The following EPHA6 variants were observed in gnomAD, a reference collection of about 807,000 sequenced individuals.
EPHA6 encodes EPH receptor A6, also known as ephrin type-A receptor 6.
EPHA6 carries 50 observed loss-of-function variants against 112.0 expected under a neutral mutation model. The ratio of observed to expected loss-of-function variants is 0.45; its 90% confidence interval spans 0.36 to 0.56. The LOEUF (loss-of-function observed/expected upper bound fraction) is 0.56. EPHA6 is among the 20% of genes least tolerant of loss of function. The pLI is 0.00. For synonymous variants in EPHA6, 529 were observed against 490.7 expected (o/e 1.08, Z -1.03); for missense variants, 1,280 against 1,417.4 (o/e 0.90, Z 1.56).
At chr3:97,287,377 A>C (rs927757026) in intron 5 of EPHA6, among the ~76,000 whole-genome samples, 1 of 152,020 alleles carries the variant, frequency 6.6e-6, no homozygotes, top group Non-Finnish European at 1.5e-5. Flanking sequence ...ACTCTTAACA[A>C]TGGCGTGAAC....
intron 3 of EPHA6, among the ~76,000 whole-genome samples, chr3:97,185,010 A>G (rs1432631287): frequency 2.0e-5 from 3 of 152,238 alleles, no homozygotes; most frequent in African/African-American, 4.8e-5. Flanking sequence ...CTGGCTAGCC[A>G]TAGGTAGAAA....
chr3:97,747,296 C>T (rs1490425727), intron 16 of EPHA6, 127 bp from the exon 17 acceptor site: 2 of 783,864 alleles, frequency 2.6e-6, no homozygotes, highest in Non-Finnish European at 1.8e-6. Context: ...AAATCAGAGG[C>T]TTTCAAATGG....
At chr3:97,328,807 T>C (rs1265410147) in intron 5 of EPHA6, among the ~76,000 whole-genome samples, 1 of 152,012 alleles carries the variant, frequency 6.6e-6, no homozygotes, top group Non-Finnish European at 1.5e-5. Flanking sequence ...ACTGTGCTAT[T>C]TTTCTTTTTA....
chr3:97,192,809 G>A (rs1214101090), intron 3 of EPHA6, among the ~76,000 whole-genome samples: 10 of 152,140 alleles, frequency 6.6e-5, no homozygotes, highest in Non-Finnish European at 1.5e-4. Context: ...TATATGGCAA[G>A]AGATAGGGAT....
chr3:97,074,641 G>T (rs1444470377), intron 3 of EPHA6, among the ~76,000 whole-genome samples: 1 of 151,704 alleles, frequency 6.6e-6, no homozygotes, highest in Non-Finnish European at 1.5e-5. Context: ...ATAAAATTTT[G>T]ATTTTAATTT....
chr3:97,305,370 T>G (rs1450370089), intron 5 of EPHA6, among the ~76,000 whole-genome samples: 1 of 152,032 alleles, frequency 6.6e-6, no homozygotes, highest in Non-Finnish European at 1.5e-5. Flanking sequence ...TTACTGGATA[T>G]ATATCCAAAG....
At chr3:97,562,760 A>G (rs919889225) in intron 11 of EPHA6, among the ~76,000 whole-genome samples, 2 of 152,158 alleles carry the variant, frequency 1.3e-5, no homozygotes, top group African/African-American at 2.4e-5. Context: ...CATGAAAGGA[A>G]GAGTCAATCA....
In EPHA6 at chr3:97,143,778, A is replaced by G. The variant is rs540981450; in HGVS notation, c.1115-82486A>G. ...TAAGTTTTGTAGAACTGTCAACCCA[A>G]TAACAAACAGAGGGGGAGACTCCTT... On this transcript the variant is annotated intron_variant, in intron 3 of 17. Transcript: ENST00000389672. Among the ~76,000 whole-genome samples, 16 of 151,858 alleles carry G rather than the reference A, an allele frequency of 1.1e-4. No homozygotes were observed. In the East Asian group the frequency reaches 2.7e-3, roughly 26 times the overall value.
intron 3 of EPHA6, among the ~76,000 whole-genome samples, chr3:97,146,907 T>C (rs957877635): frequency 1.3e-5 from 2 of 150,770 alleles, no homozygotes; most frequent in South Asian, 2.1e-4. Context: ...TGTGGAGTGA[T>C]GTAAATTGCT....
At chr3:97,469,808 C>T (rs906207841) in intron 7 of EPHA6, among the ~76,000 whole-genome samples, 11 of 151,426 alleles carry the variant, frequency 7.3e-5, no homozygotes, top group South Asian at 4.2e-4. Context: ...ATCCATATAA[C>T]GTGGATGTAT....
At chr3:96,845,929 T>A (rs1207265921) in intron 1 of EPHA6, among the ~76,000 whole-genome samples, 1 of 152,008 alleles carries the variant, frequency 6.6e-6, no homozygotes, top group Non-Finnish European at 1.5e-5. Flanking sequence ...AATCCACCCA[T>A]ATTTAGAATA....
intron 5 of EPHA6, among the ~76,000 whole-genome samples, chr3:97,259,876 C>T (rs1471321646): frequency 1.3e-5 from 2 of 151,500 alleles, no homozygotes; most frequent in Non-Finnish European, 2.9e-5. Context: ...TCTCAGCTCA[C>T]TGCAACCTCT....
chr3:97,448,746 G>T lies in EPHA6; in HGVS notation c.1894+16G>T. ...GGAGATGAAAGTAAGTTTCACACAA[G>T]GATATAACATAAGATGTGAATTTAG... On this transcript the variant is annotated intron_variant, in intron 7 of 17. Coordinates refer to ENST00000389672, the MANE Select transcript of EPHA6 (RefSeq NM_001080448.3). 6.2e-7 allele frequency: 1 copy of T among 1,611,646 alleles called. No individual in the cohort carries two copies. The highest frequency in any genetic ancestry group is 8.5e-7 in the Non-Finnish European group (1 of 1,178,126).
chr3:97,214,534 T>A (rs1413565208), intron 3 of EPHA6, among the ~76,000 whole-genome samples: 2 of 151,798 alleles, frequency 1.3e-5, no homozygotes, highest in African/African-American at 4.8e-5. Flanking sequence ...ATCACTGTAT[T>A]CATATTTAGT....
chr3:96,875,028 A>G (rs2036863411), intron 2 of EPHA6, among the ~76,000 whole-genome samples: 1 of 152,110 alleles, frequency 6.6e-6, no homozygotes, highest in South Asian at 2.1e-4. Context: ...ACCTGTAGAG[A>G]TGACCAAGTT....
rs149572022 is a variant in EPHA6, at chr3:96,860,061, A to G, written c.386-6764A>G. Reference sequence around the variant, plus strand: ...GCATTGTAACTTACAGACTTTCTATATCCTATAGCGTCCAATATATAGAGT... The same window carrying G: ...GCATTGTAACTTACAGACTTTCTATGTCCTATAGCGTCCAATATATAGAGT... On this transcript the variant is annotated intron_variant, in intron 1 of 17. Transcript: ENST00000389672. Among the ~76,000 whole-genome samples, 7 of 152,264 alleles carry G rather than the reference A, an allele frequency of 4.6e-5. No individual in the cohort carries two copies. The East Asian group carries it at 7.7e-4, about 17-fold the overall frequency.
chr3:97,404,527 C>A lies in EPHA6; in HGVS notation c.1607-623C>A, dbSNP rs893130386. On this transcript the variant is annotated intron_variant, in intron 5 of 17. Coordinates refer to ENST00000389672, the MANE Select transcript of EPHA6 (RefSeq NM_001080448.3). ...GTTTAGTTATATGTTAGAAGCTTAA[C>A]ACAGATTATTTTAATTTAGAATTAT... 3.9e-5 allele frequency among the ~76,000 whole-genome samples: 6 copies of A among 152,096 alleles called. No individual in the cohort carries two copies. In the East Asian group the frequency reaches 9.6e-4, roughly 24 times the overall value.
chr3:97,474,949 A>G (rs1315555436), intron 7 of EPHA6, among the ~76,000 whole-genome samples: 14 of 152,076 alleles, frequency 9.2e-5, no homozygotes, highest in Admixed American at 3.9e-4. Context: ...ACTTTGTGAA[A>G]ACAGATATCA....
intron 5 of EPHA6, among the ~76,000 whole-genome samples, chr3:97,293,793 A>G (rs901918925): frequency 6.6e-6 from 1 of 152,180 alleles, no homozygotes; most frequent in Non-Finnish European, 1.5e-5. Flanking sequence ...CAGGAACACA[A>G]CTGCCTCCTG....
Sources: allele counts gnomAD v4.1 joint callset (sites outside exome capture counted in the v4.1 genomes callset), GRCh38; gene constraint gnomAD v4.1.1; transcripts MANE v1.5; gene names NCBI Gene and HGNC (gene_info 2026-07-23, HGNC 2026-07-21).